Variants in ITGA2B observed in about 807,000 individuals in gnomAD.
ITGA2B encodes integrin alpha-IIb.
A neutral mutation model predicts 142.0 loss-of-function variants in ITGA2B; 91 were observed. The observed-to-expected ratio is 0.64, with a 90% CI of 0.54 to 0.76. The LOEUF (loss-of-function observed/expected upper bound fraction) is 0.76. ITGA2B is among the 30% of genes least tolerant of loss of function. ITGA2B has a pLI of 0.00. For missense variants in ITGA2B, 1,231 were observed against 1,350.8 expected, an observed-to-expected ratio of 0.91 and a Z score of 1.39; for synonymous variants, 536 against 567.2, an observed-to-expected ratio of 0.94 and a Z score of 0.78.
Position 44,384,147 on chromosome 17 carries a change from A to T in ITGA2B, c.892-9T>A. The T allele has an allele frequency of 3.7e-6, 6 of 1,613,010 alleles. No homozygotes were observed. The highest frequency in any genetic ancestry group is 5.1e-6 in the Non-Finnish European group (6 of 1,179,670). On this transcript the variant is annotated splice_polypyrimidine_tract_variant and intron_variant, in intron 9 of 29. Transcript: ENST00000262407. ...GAATCCAAAATTTCCACCTGCACGG[A>T]CAGCGCAGGCGAGAGCATCATTCTT...
chr17:44,379,007 A>G (rs955131009), intron 18 of ITGA2B, among the ~76,000 whole-genome samples: 6 of 151,972 alleles, frequency 3.9e-5, no homozygotes, highest in Admixed American at 6.6e-5. Flanking sequence ...GTGCAGTGGC[A>G]CTATCTCGGC....
chr17:44,384,970 T>G lies in ITGA2B; in HGVS notation c.777A>C (p.Pro259=). Residue 259 remains proline (P), a synonymous_variant, in exon 7 of 30, where the codon CCA becomes CCC. Coordinates refer to ENST00000262407, the MANE Select transcript of ITGA2B (RefSeq NM_000419.5). ...SQSLSFDSSN[P]EYFDGYWGYS... The stretch of plus-strand genomic sequence containing the variant: ...TACCCCAGTAGCCGTCGAAGTACTC[T>G]GGGTTGCTGGAGTCAAAGGAGAGGC... 1 of 1,613,892 alleles carries G rather than the reference T, an allele frequency of 6.2e-7. No homozygotes were observed. Among genetic ancestry groups the G allele is most frequent in the Non-Finnish European group, 8.5e-7 (1 of 1,179,964 alleles).
intron 20 of ITGA2B, 91 bp downstream of exon 20, chr17:44,378,266 CAGAAG>C: frequency 7.0e-7 from 1 of 1,432,948 alleles, no homozygotes. Context: ...GACAGCAAAG[CAGAAG>C]AGAAGAGGGA....
At position 44,377,681 on chromosome 17, in the gene ITGA2B, C is replaced by T. The variant is rs757413993; in HGVS notation, c.2187+17G>A. 4.4e-5 allele frequency: 71 copies of T among 1,604,452 alleles called. No homozygotes were observed. Among genetic ancestry groups the T allele is most frequent in the African/African-American group, 6.7e-5 (5 of 74,702 alleles). On this transcript the variant is annotated intron_variant, in intron 21 of 29. Coordinates refer to ENST00000262407, the MANE Select transcript of ITGA2B (RefSeq NM_000419.5). The stretch of plus-strand genomic sequence containing the variant: ...AGCCCCTGGTGGAGACCCGGTACCA[C>T]GACCCAGCAGCCTCACCTGGGCGTT...
Position 44,380,898 on chromosome 17 carries a change from G to C in ITGA2B, c.1374C>G (p.Ile458Met), listed in dbSNP as rs372294932. The change falls in exon 13 of 30, where the codon ATC becomes ATG. Residue 458 changes from isoleucine to methionine, a missense_variant. Coordinates refer to ENST00000262407, the MANE Select transcript of ITGA2B (RefSeq NM_000419.5). ...FGFSLRGAVD[I>M]DDNGYPDLIV... The stretch of plus-strand genomic sequence containing the variant: ...GGGCACCTGGGTATCCGTTGTCATC[G>C]ATGTCTACGGCACCTCGAAGGGAGA... 2.1e-4 allele frequency: 336 copies of C among 1,614,224 alleles called. 3 individuals are homozygous for C. The South Asian group carries it at 3.5e-3, about 17-fold the overall frequency.
intron 18 of ITGA2B, among the ~76,000 whole-genome samples, chr17:44,379,271 G>C (rs1417768211): frequency 1.5e-5 from 2 of 131,364 alleles, no homozygotes; most frequent in Non-Finnish European, 3.2e-5. Flanking sequence ...TTTTTTTTGA[G>C]ACAGAGTCTT....
In ITGA2B at chr17:44,376,200, A is replaced by G; in HGVS notation, c.2349-16T>C. The G allele has an allele frequency of 3.7e-6, 6 of 1,613,592 alleles. No homozygotes were observed. The highest frequency in any genetic ancestry group is 5.1e-6 in the Non-Finnish European group (6 of 1,179,854). On this transcript the variant is annotated splice_polypyrimidine_tract_variant and intron_variant, in intron 23 of 29. Transcript: ENST00000262407. ...AAAGGAGTTCCTGCAGGTGCCCAAG[A>G]CCCCCAGAGAGAGTGTGATGCCCTG...
At chr17:44,373,321 A>G (rs971703088) in intron 29 of ITGA2B, among the ~76,000 whole-genome samples, 1 of 151,926 alleles carries the variant, frequency 6.6e-6, no homozygotes, top group African/African-American at 2.4e-5. Context: ...TATTTTTAGT[A>G]GAGATGGGGT....
intron 28 of ITGA2B, 39 bp downstream of exon 28, chr17:44,374,620 C>A: frequency 1.3e-6 from 2 of 1,576,802 alleles, no homozygotes; most frequent in Non-Finnish European, 1.7e-6. Context: ...GACAATGGGT[C>A]CTGCAGGACT....
At chr17:44,384,887 C>T (rs756383716) in intron 7 of ITGA2B, 61 bp downstream of exon 7, 86 of 1,611,550 alleles carry the variant, frequency 5.3e-5, no homozygotes, top group Non-Finnish European at 7.0e-5. Context: ...GGGGCAGGAC[C>T]TGACCGTCTG....
At chr17:44,375,784 G>T (rs1189085782) in intron 25 of ITGA2B, 49 bp downstream of exon 25, 1 of 1,557,178 alleles carries the variant, frequency 6.4e-7, no homozygotes, top group Admixed American at 2.0e-5. Flanking sequence ...GTGCCCCGGT[G>T]GTTGGTCTGG....
At position 44,375,676 on chromosome 17, in the gene ITGA2B, T is replaced by G. The variant is rs2048535371; in HGVS notation, c.2642A>C (p.His881Pro). The G allele has an allele frequency of 6.2e-7, 1 of 1,605,916 alleles. No homozygotes were observed. Among genetic ancestry groups the G allele is most frequent in the African/African-American group, 1.3e-5 (1 of 74,700 alleles). ...GLPIPSPSPI[H>P]PAHHKRDRRQ... ...GCGATCCCGCTTGTGATGGGCCGGG[T>G]GAATGGGGGAGGGGCTGGGGATGGG... The change falls in exon 26 of 30, where the codon CAC becomes CCC. Residue 881 changes from histidine to proline, a missense_variant. Transcript: ENST00000262407.
intron 27 of ITGA2B, 22 bp from the exon 28 acceptor site, chr17:44,374,782 G>A: frequency 6.3e-7 from 1 of 1,598,206 alleles, no homozygotes; most frequent in Non-Finnish European, 8.6e-7. Context: ...GGGGTTGAAA[G>A]CCGTTTACAC....
At chr17:44,384,470 G>A in intron 8 of ITGA2B, 68 bp downstream of exon 8, 2 of 1,609,136 alleles carry the variant, frequency 1.2e-6, no homozygotes, top group African/African-American at 1.3e-5. Context: ...CCTACATAGG[G>A]GAGATTTCAG....
intron 1 of ITGA2B, among the ~76,000 whole-genome samples, chr17:44,387,040 CG>C (rs2048655369): frequency 6.6e-6 from 1 of 151,920 alleles, no homozygotes; most frequent in African/African-American, 2.4e-5. Flanking sequence ...GGATTACAGG[CG>C]TGAGCCTCTG....
At chr17:44,385,110 A>G in intron 6 of ITGA2B, 34 bp from the exon 7 acceptor site, 3 of 1,614,060 alleles carry the variant, frequency 1.9e-6, no homozygotes, top group East Asian at 4.5e-5. Context: ...GTGAAGCCCA[A>G]AGCGGTCTCC....
chr17:44,386,060 C>T lies in ITGA2B; in HGVS notation c.260G>A (p.Cys87Tyr). Residue 87 changes from cysteine to tyrosine, a missense_variant, in exon 2 of 30, where the codon TGC (cysteine) becomes TAC (tyrosine). Coordinates refer to ENST00000262407, the MANE Select transcript of ITGA2B (RefSeq NM_000419.5). The stretch of plus-strand genomic sequence containing the variant: ...CTGGCCGCCCTCGGCCCTCCAGGGG[C>T]ACAGGAACACGCCGCCCGTCTCCTC... ...SQEETGGVFL[C>Y]PWRAEGGQCP... 6.2e-7 allele frequency: 1 copy of T among 1,612,536 alleles called. No homozygotes were observed. The highest frequency in any genetic ancestry group is 8.5e-7 in the Non-Finnish European group (1 of 1,179,896).
rs1440191543 is a variant in ITGA2B, at chr17:44,389,184, T to C, written c.188+102A>G. ...ACCTGAATAGGCCCCACAAGTCACC[T>C]TGCTCAACTGCTATCGCAAATGGGA... On this transcript the variant is annotated intron_variant, in intron 1 of 29. Transcript: ENST00000262407. The C allele has an allele frequency of 9.9e-6, 13 of 1,319,128 alleles. 1 individual carries two copies. The highest frequency in any genetic ancestry group is 4.7e-5 in the South Asian group (4 of 84,612). 81.7% of individuals were successfully genotyped at this position (1,319,128 alleles called of 1,614,324 possible). A position where few individuals can be genotyped will look rare whatever the true frequency, so the allele number is the denominator to read the frequency against.
Position 44,384,162 on chromosome 17 carries a change from GCAT to G in ITGA2B, c.892-27_892-25del, listed in dbSNP as rs753159070. 10 of 1,611,836 alleles carry G rather than the reference GCAT, an allele frequency of 6.2e-6. No individual in the cohort carries two copies. The African/African-American group carries it at 1.3e-4, about 22-fold the overall frequency. On this transcript the variant is annotated intron_variant, in intron 9 of 29. Coordinates refer to ENST00000262407, the MANE Select transcript of ITGA2B (RefSeq NM_000419.5). Reference sequence around the variant, plus strand: ...ACCTGCACGGACAGCGCAGGCGAGAGCATCATTCTTGTACCCAAAGCAACCTCC... The same window carrying G: ...ACCTGCACGGACAGCGCAGGCGAGAGCATTCTTGTACCCAAAGCAACCTCC...
Sources: allele counts gnomAD v4.1 joint callset (sites outside exome capture counted in the v4.1 genomes callset), GRCh38; gene constraint gnomAD v4.1.1; transcripts MANE v1.5; gene names NCBI Gene and HGNC (gene_info 2026-07-23, HGNC 2026-07-21).